The following C6orf132 variants were observed in gnomAD, a reference collection of about 807,000 sequenced individuals.
The protein encoded by C6orf132 is uncharacterized protein C6orf132.
C6orf132 carries 43 observed loss-of-function variants against 65.3 expected under a neutral mutation model. That is an observed-to-expected ratio of 0.66 (90% confidence interval 0.52 to 0.85). The LOEUF (loss-of-function observed/expected upper bound fraction) is 0.85, where lower values mean the gene tolerates loss of function less well. C6orf132 is among the 40% of genes least tolerant of loss of function. C6orf132 has a pLI of 0.00. For synonymous variants in C6orf132, 631 were observed against 654.1 expected, an observed-to-expected ratio of 0.96 and a Z score of 0.54; for missense variants, 1,488 against 1,548.8, an observed-to-expected ratio of 0.96 and a Z score of 0.66.
At chr6:42,136,141 A>G (rs1481969825) in intron 1 of C6orf132, among the ~76,000 whole-genome samples, 1 of 138,534 alleles carries the variant, frequency 7.2e-6, no homozygotes, top group Admixed American at 7.8e-5. Context: ...AAAAAAATAA[A>G]AACTTACCTG....
chr6:42,113,780 C>T (rs375142879), intron 2 of C6orf132, among the ~76,000 whole-genome samples: 8 of 151,776 alleles, frequency 5.3e-5, no homozygotes, highest in African/African-American at 1.9e-4. Context: ...CATGCCACTG[C>T]ACTCCAGCCT....
At chr6:42,118,298 T>A (rs1291671993) in intron 2 of C6orf132, among the ~76,000 whole-genome samples, 1 of 152,042 alleles carries the variant, frequency 6.6e-6, no homozygotes, top group Non-Finnish European at 1.5e-5. Context: ...TTCTCAAAGT[T>A]CTTTTCCAGG....
intron 2 of C6orf132, among the ~76,000 whole-genome samples, chr6:42,118,191 GT>G (rs1298653284): frequency 6.6e-6 from 1 of 151,986 alleles, no homozygotes; most frequent in Non-Finnish European, 1.5e-5. Context: ...ATGACAGGGT[GT>G]TGGGACAGAC....
At chr6:42,115,517 G>C (rs891968785) in intron 2 of C6orf132, among the ~76,000 whole-genome samples, 8 of 151,474 alleles carry the variant, frequency 5.3e-5, no homozygotes, top group Non-Finnish European at 5.9e-5. Flanking sequence ...ATGGTGGCAG[G>C]CGCCTGTAGT....
intron 1 of C6orf132, among the ~76,000 whole-genome samples, chr6:42,138,027 C>T (rs1174893650): frequency 2.6e-5 from 4 of 152,236 alleles, no homozygotes; most frequent in Non-Finnish European, 5.9e-5. Context: ...CCACTGCACT[C>T]CAGCCTGGCA....
intron 1 of C6orf132, among the ~76,000 whole-genome samples, chr6:42,138,160 G>C (rs1231811913): frequency 6.6e-6 from 1 of 152,172 alleles, no homozygotes; most frequent in South Asian, 2.1e-4. Context: ...TTTTTTGGGT[G>C]GGGGAGGACA....
chr6:42,126,756 T>A, intron 2 of C6orf132: 1 of 361,914 alleles, frequency 2.8e-6, no homozygotes. Context: ...GGCAGGAGAA[T>A]CGCTTGAACC....
intron 1 of C6orf132, among the ~76,000 whole-genome samples, chr6:42,132,392 G>A (rs1362761916): frequency 6.6e-6 from 1 of 151,936 alleles, no homozygotes. Context: ...GCATGCACCT[G>A]TAGTCCCAGC....
intron 3 of C6orf132, 113 bp from the exon 4 acceptor site, chr6:42,107,696 A>G: frequency 7.8e-7 from 1 of 1,286,806 alleles, no homozygotes; most frequent in Non-Finnish European, 1.1e-6. Context: ...TGACTGGATC[A>G]TTTTCTCCTG....
chr6:42,142,255 G>A (rs1022920645), intron 1 of C6orf132, 45 bp downstream of exon 1: 1 of 1,529,078 alleles, frequency 6.5e-7, no homozygotes, highest in Middle Eastern at 2.3e-4. Flanking sequence ...CTGCCCCAGC[G>A]CCCTCCGTCC....
intron 1 of C6orf132, among the ~76,000 whole-genome samples, chr6:42,136,078 A>G (rs569669741): frequency 2.0e-4 from 30 of 152,052 alleles, no homozygotes; most frequent in Admixed American, 1.6e-3. Context: ...TAACCTGCAC[A>G]TTGTGCACAT....
chr6:42,105,199 C>T lies in C6orf132; in HGVS notation c.2713G>A (p.Asp905Asn). 1 of 1,537,188 alleles carries T rather than the reference C, an allele frequency of 6.5e-7. No homozygotes were observed. Among genetic ancestry groups the T allele is most frequent in the Non-Finnish European group, 8.7e-7 (1 of 1,146,900 alleles). ...GGTATTTCGGTCGTCAGCGGGGAGT[C>T]CTTCTCAGCCTCCTTGGGTAACTTG... ...VPKLPKEAEK[D>N]SPLTTEIPNK... The change falls in exon 4 of 5, where the codon GAC (aspartate) becomes AAC (asparagine). Residue 905 changes from aspartate to asparagine, a missense_variant. Transcript: ENST00000341865.
intron 2 of C6orf132, among the ~76,000 whole-genome samples, chr6:42,115,744 A>G (rs888200133): frequency 2.0e-5 from 3 of 152,100 alleles, no homozygotes; most frequent in Non-Finnish European, 2.9e-5. Flanking sequence ...AGAAGACAAG[A>G]AATCAAAAGA....
At chr6:42,115,185 G>T in intron 2 of C6orf132, among the ~76,000 whole-genome samples, 1 of 148,046 alleles carries the variant, frequency 6.8e-6, no homozygotes, top group Admixed American at 6.8e-5. Flanking sequence ...AGCTACTCAG[G>T]AGGCTGAGGC....
In C6orf132 at chr6:42,104,574, C is replaced by G. The variant is rs1766355173; in HGVS notation, c.3338G>C (p.Gly1113Ala). The G allele has an allele frequency of 6.8e-6, 9 of 1,324,120 alleles. No homozygotes were observed. In the South Asian group the frequency reaches 1.4e-4, roughly 21 times the overall value. The allele number at this position is 1,324,120 out of a possible 1,614,324, so 82.0% of individuals were successfully genotyped here. Reference protein sequence around the residue: ...RVNSAGRAPPGGLHAPRLSLE... With the variant: ...RVNSAGRAPPAGLHAPRLSLE... ...GGACAGCCTCGGCGCGTGCAGGCCT[C>G]CGGGGGGCGCGCGACCCGCCGAGTT... Residue 1113 changes from glycine (G) to alanine (A), a missense_variant, in exon 4 of 5, where the codon GGA (glycine) becomes GCA (alanine). Gly to Ala is a moderately conservative substitution (Grantham distance 60, BLOSUM62 0). Transcript: ENST00000341865. This position sits in a 1 kb window ranked among gnomAD's most constrained non-coding sequence, Gnocchi z 4.1.
At chr6:42,134,137 G>A (rs1174024672) in intron 1 of C6orf132, among the ~76,000 whole-genome samples, 3 of 152,168 alleles carry the variant, frequency 2.0e-5, no homozygotes, top group Non-Finnish European at 2.9e-5. Flanking sequence ...ACAGCTCCTG[G>A]CTGGGACGGG....
Position 42,103,882 on chromosome 6 carries a change from G to T in C6orf132, c.3450-4C>A. The T allele has an allele frequency of 7.0e-7, 1 of 1,433,720 alleles. No homozygotes were observed. The highest frequency in any genetic ancestry group is 9.1e-7 in the Non-Finnish European group (1 of 1,095,138). 88.8% of individuals were successfully genotyped at this position (1,433,720 alleles called of 1,614,324 possible). On this transcript the variant is annotated splice_region_variant and splice_polypyrimidine_tract_variant and intron_variant, in intron 4 of 4. Coordinates refer to ENST00000341865, the MANE Select transcript of C6orf132 (RefSeq NM_001164446.3). ...GCGGGTGGTGGTGTAGGGAGACCTGGGGGAGAGCAAGAGATGTGAGGTGAA... is the reference window on the plus strand; with the variant it reads ...GCGGGTGGTGGTGTAGGGAGACCTGTGGGAGAGCAAGAGATGTGAGGTGAA...
chr6:42,106,724 C>CG lies in C6orf132; in HGVS notation c.1187_1188insC (p.Pro397AlafsTer39). Reference sequence around the variant, plus strand: ...GAGGGAGGGGGGGTGCAGGAGGGGGCAGGGGAGGGGCTGGAGGCGGAGTCC... The same window carrying CG: ...GAGGGAGGGGGGGTGCAGGAGGGGGCGAGGGGAGGGGCTGGAGGCGGAGTCC... On this transcript the variant is annotated frameshift_variant, in exon 4 of 5. Transcript: ENST00000341865. LOFTEE classifies it high-confidence loss of function. The CG allele has an allele frequency of 8.6e-7, 1 of 1,164,948 alleles. No homozygotes were observed. The highest frequency in any genetic ancestry group is 1.1e-6 in the Non-Finnish European group (1 of 925,042). The allele number at this position is 1,164,948 out of a possible 1,614,324, so 72.2% of individuals were successfully genotyped here. A position where few individuals can be genotyped will look rare whatever the true frequency, so the allele number is the denominator to read the frequency against.
chr6:42,126,393 A>G (rs944886398), intron 2 of C6orf132: 5 of 131,808 alleles, frequency 3.8e-5, no homozygotes, highest in Admixed American at 2.2e-4. Flanking sequence ...TCAGTATTTT[A>G]TTTGTTTTTT....
Sources: allele counts gnomAD v4.1 joint callset (sites outside exome capture counted in the v4.1 genomes callset), GRCh38; gene constraint gnomAD v4.1.1; non-coding constraint Gnocchi (gnomAD v3.1); transcripts MANE v1.5; gene names NCBI Gene and HGNC (gene_info 2026-07-23, HGNC 2026-07-21).